The following ARHGAP25 variants were observed in gnomAD, a reference collection of about 807,000 sequenced individuals.
ARHGAP25 encodes Rho GTPase activating protein 25.
In ARHGAP25, 34 loss-of-function variants were observed where a neutral mutation model predicts 71.0. That is an observed-to-expected ratio of 0.48 (90% CI 0.36 to 0.64). ARHGAP25 has a LOEUF of 0.64. ARHGAP25 is among the 30% of genes least tolerant of loss of function. The pLI, the probability that ARHGAP25 is intolerant of heterozygous loss-of-function variation, is 0.00. For synonymous variants in ARHGAP25, 282 were observed against 296.5 expected, an observed-to-expected ratio of 0.95 and a Z score of 0.50; for missense variants, 706 against 805.1, an observed-to-expected ratio of 0.88 and a Z score of 1.49.
intron 1 of ARHGAP25, chr2:68,774,918 C>T (rs1163279504): frequency 3.1e-5 from 43 of 1,394,770 alleles, no homozygotes; most frequent in Middle Eastern, 5.3e-4. Context: ...TCAGAAGGCT[C>T]CAGCCAACCT....
At chr2:68,712,103 A>G (rs772878694) in intron 2 of ARHGAP25, among the ~76,000 whole-genome samples, 4 of 152,154 alleles carry the variant, frequency 2.6e-5, no homozygotes, top group Admixed American at 6.5e-5. Context: ...GTCTTCCACA[A>G]TGGTTGAACT....
chr2:68,783,859 T>G (rs148133084), intron 3 of ARHGAP25, among the ~76,000 whole-genome samples: 1 of 152,260 alleles, frequency 6.6e-6, no homozygotes, highest in Admixed American at 6.5e-5. Flanking sequence ...ACTAGAAATA[T>G]CTCTCTCCCT....
In ARHGAP25 at chr2:68,739,924, T is replaced by C. The variant is rs543830703; in HGVS notation, c.61+4664T>C. Among the ~76,000 whole-genome samples, 4 of 152,328 alleles carry C rather than the reference T, an allele frequency of 2.6e-5. No individual in the cohort carries two copies. The South Asian group carries it at 8.3e-4, about 32-fold the overall frequency. On this transcript the variant is annotated intron_variant, in intron 1 of 10. Transcript: ENST00000409202. The stretch of plus-strand genomic sequence containing the variant: ...CACTTTGCAAAGAAAAAAAAAATGA[T>C]ACCCATAGGTCTGGCAGACCTAGAA...
chr2:68,810,824 C>T (rs907760423), intron 5 of ARHGAP25, among the ~76,000 whole-genome samples: 1 of 151,442 alleles, frequency 6.6e-6, no homozygotes, highest in African/African-American at 2.4e-5. Context: ...TCACTGCAAC[C>T]TCTGCCTCCT....
At chr2:68,805,490 C>T (rs1680296995) in intron 4 of ARHGAP25, among the ~76,000 whole-genome samples, 1 of 152,002 alleles carries the variant, frequency 6.6e-6, no homozygotes, top group Non-Finnish European at 1.5e-5. Flanking sequence ...GATGAACTGC[C>T]AGGGCTTTAA....
intron 9 of ARHGAP25, among the ~76,000 whole-genome samples, chr2:68,820,458 C>T (rs1199618669): frequency 6.6e-6 from 1 of 152,100 alleles, no homozygotes; most frequent in Non-Finnish European, 1.5e-5. Flanking sequence ...CTTCAGAACC[C>T]AGGTACCTCT....
chr2:68,736,026 C>A (rs749574188), intron 1 of ARHGAP25, among the ~76,000 whole-genome samples: 4 of 152,128 alleles, frequency 2.6e-5, no homozygotes, highest in Admixed American at 1.3e-4. Flanking sequence ...TCAGAGCAAT[C>A]GGGCTGAAAA....
At chr2:68,712,564 T>C (rs956997142) in intron 2 of ARHGAP25, among the ~76,000 whole-genome samples, 3 of 152,230 alleles carry the variant, frequency 2.0e-5, no homozygotes, top group Non-Finnish European at 4.4e-5. Context: ...TTTGGTATTT[T>C]AGTCATGAAG....
chr2:68,770,307 T>G (rs893052066), intron 1 of ARHGAP25, among the ~76,000 whole-genome samples: 2 of 152,158 alleles, frequency 1.3e-5, no homozygotes, highest in African/African-American at 4.8e-5. Context: ...GGGGAAGCCA[T>G]GCAAATTCTA....
chr2:68,811,213 C>A (rs1394549136), intron 5 of ARHGAP25, among the ~76,000 whole-genome samples: 1 of 152,134 alleles, frequency 6.6e-6, no homozygotes, highest in Non-Finnish European at 1.5e-5. Context: ...TTACAAGGAT[C>A]AGTGTGACTT....
chr2:68,779,866 C>T (rs1282692848), intron 2 of ARHGAP25, among the ~76,000 whole-genome samples: 1 of 152,224 alleles, frequency 6.6e-6, no homozygotes, highest in African/African-American at 2.4e-5. Context: ...TTCTTCTTGC[C>T]ATTTATGAAG....
intron 1 of ARHGAP25, among the ~76,000 whole-genome samples, chr2:68,742,446 A>G (rs1165462071): frequency 5.3e-5 from 8 of 152,380 alleles, no homozygotes; most frequent in South Asian, 2.1e-4. Flanking sequence ...GAATCCCAGT[A>G]TCATCGATCG....
Position 68,775,336 on chromosome 2 carries a change from C to T in ARHGAP25, c.177C>T (p.Ile59=). 2 of 1,614,124 alleles carry T rather than the reference C, an allele frequency of 1.2e-6. No homozygotes were observed. The highest frequency in any genetic ancestry group is 2.2e-5 in the East Asian group (1 of 44,896). The stretch of plus-strand genomic sequence containing the variant: ...GCTGGCTGAAGAAGCAGAGGTCCAT[C>T]GTGAAGAACTGGCAGCAGAGGTACT... ...KMGWLKKQRS[I]VKNWQQRYFV... is the part of the protein sequence containing the mutation. Residue 59 remains isoleucine (I), a synonymous_variant, in exon 2 of 11, where the codon ATC becomes ATT. Transcript: ENST00000409202.
intron 2 of ARHGAP25, among the ~76,000 whole-genome samples, chr2:68,711,909 G>A (rs1308525830): frequency 1.3e-5 from 2 of 152,104 alleles, no homozygotes; most frequent in East Asian, 3.8e-4. Context: ...TCTTTATCCA[G>A]TCTATCATTG....
At chr2:68,773,198 G>A (rs919950644) in intron 1 of ARHGAP25, among the ~76,000 whole-genome samples, 1 of 152,192 alleles carries the variant, frequency 6.6e-6, no homozygotes, top group Non-Finnish European at 1.5e-5. Flanking sequence ...GATAACTCCA[G>A]ATACAATTGG....
rs930401790 is a variant in ARHGAP25, at chr2:68,767,365, C to T, written c.62-7856C>T. Reference sequence around the variant, plus strand: ...TTCCTTCTGGGTGGAAACTGAGGGCCATCATCCCGCAGTCTGATAACAGGA... The same window carrying T: ...TTCCTTCTGGGTGGAAACTGAGGGCTATCATCCCGCAGTCTGATAACAGGA... On this transcript the variant is annotated intron_variant, in intron 1 of 10. Coordinates refer to ENST00000409202, the MANE Select transcript of ARHGAP25 (RefSeq NM_001007231.3). This position sits in a 1 kb window ranked among gnomAD's most constrained non-coding sequence, Gnocchi z 4.6. Among the ~76,000 whole-genome samples, 1 of 151,102 alleles carries T rather than the reference C, an allele frequency of 6.6e-6. No individual in the cohort carries two copies.
Position 68,749,599 on chromosome 2 carries a change from C to T in ARHGAP25, c.61+14339C>T, listed in dbSNP as rs77121314. ...GTCGATCAGAGCAGTCACCCTGAGGCTAAAGGGAATCATGCAAAGGCAGCC... is the reference window on the plus strand; with the variant it reads ...GTCGATCAGAGCAGTCACCCTGAGGTTAAAGGGAATCATGCAAAGGCAGCC... On this transcript the variant is annotated intron_variant, in intron 1 of 10. Transcript: ENST00000409202. Among the ~76,000 whole-genome samples the T allele has an allele frequency of 8.5e-3, 1,294 of 152,332 alleles. 18 individuals carry two copies. Among genetic ancestry groups the T allele is most frequent in the African/African-American group, 0.03 (1,229 of 41,566 alleles).
At chr2:68,760,905 AT>A (rs1676773938) in intron 1 of ARHGAP25, among the ~76,000 whole-genome samples, 1 of 151,724 alleles carries the variant, frequency 6.6e-6, no homozygotes, top group Admixed American at 6.6e-5. Flanking sequence ...ACATTGTTGG[AT>A]AACTCACATT....
At chr2:68,730,372 C>G (rs188923668), upstream of ARHGAP25, among the ~76,000 whole-genome samples, 220 of 152,260 alleles carry the variant, frequency 1.4e-3, 2 homozygotes, top group Non-Finnish European at 2.6e-3. Context: ...AGGCTGGACA[C>G]AGTGGCTTAT....
Sources: gnomAD v4.1 joint callset for allele counts (sites outside exome capture counted in the v4.1 genomes callset) on GRCh38, gnomAD v4.1.1 for gene constraint, Gnocchi (gnomAD v3.1) non-coding constraint, MANE v1.5 for transcripts, NCBI Gene and HGNC (gene_info 2026-07-23, HGNC 2026-07-21) for gene names.